SDK1: variants seen among roughly 807,000 people sequenced by gnomAD.
SDK1 encodes sidekick cell adhesion molecule 1.
Under a neutral mutation model 245.5 loss-of-function variants are expected in SDK1, and 157 were observed. The observed-to-expected ratio is 0.64, with a 90% CI of 0.56 to 0.73. The LOEUF (loss-of-function observed/expected upper bound fraction) is 0.73, where lower values mean the gene tolerates loss of function less well. Ranked by LOEUF, SDK1 falls within the 30% of genes least tolerant of loss-of-function variation. The pLI is 0.00. For synonymous variants in SDK1, 1,647 were observed against 1,278.5 expected, an observed-to-expected ratio of 1.29 and a Z score of -6.15; for missense variants, 3,583 against 3,002.3, an observed-to-expected ratio of 1.19 and a Z score of -4.52.
chr7:3,445,834 T>A (rs572362996), intron 1 of SDK1, among the ~76,000 whole-genome samples: 1 of 152,256 alleles, frequency 6.6e-6, no homozygotes, highest in East Asian at 1.9e-4. Context: ...TTACCCATAT[T>A]TTTGCTTATG....
chr7:3,991,899 T>C lies in SDK1; in HGVS notation c.2131+4577T>C, dbSNP rs73673214. Among the ~76,000 whole-genome samples, 816 of 152,332 alleles carry C rather than the reference T, an allele frequency of 5.4e-3. 7 individuals are homozygous for C. Among genetic ancestry groups the C allele is most frequent in the African/African-American group, 0.019 (770 of 41,580 alleles). On this transcript the variant is annotated intron_variant, in intron 14 of 44. Transcript: ENST00000404826. ...GGTTTTTATTTTTATTAGCAACAAA[T>C]GCCCTTAAGAAGCAGCTGAACATGC... is the stretch of plus-strand genomic sequence containing the variant.
chr7:3,485,498 G>A (rs1781657354), intron 1 of SDK1, among the ~76,000 whole-genome samples: 1 of 152,012 alleles, frequency 6.6e-6, no homozygotes, highest in Admixed American at 6.6e-5. Context: ...TGCTGCCTGG[G>A]GATGAGGTAC....
intron 4 of SDK1, among the ~76,000 whole-genome samples, chr7:3,655,485 A>ATATATATATATATATGTATGTATG (rs1783147869): frequency 2.9e-5 from 2 of 67,810 alleles, no homozygotes; most frequent in African/African-American, 9.5e-5. Flanking sequence ...ATATATATAT[A>ATATATATATATATATGTATGTATG]TATATATATA....
intron 3 of SDK1, among the ~76,000 whole-genome samples, chr7:3,641,309 C>G (rs1171920142): frequency 6.6e-6 from 1 of 152,088 alleles, no homozygotes; most frequent in East Asian, 1.9e-4. Context: ...TAAAATTAGC[C>G]TTTTATACCT....
intron 2 of SDK1, 97 bp downstream of exon 2, chr7:3,619,336 G>A: frequency 1.9e-6 from 2 of 1,026,008 alleles, no homozygotes; most frequent in Non-Finnish European, 2.9e-6. Context: ...GAAAATATTG[G>A]ATTGAATTTC....
At chr7:3,849,578 A>G (rs540239997) in intron 5 of SDK1, among the ~76,000 whole-genome samples, 3 of 152,358 alleles carry the variant, frequency 2.0e-5, no homozygotes, top group African/African-American at 7.2e-5. Context: ...GAATATTACA[A>G]GGAAATACCA....
intron 1 of SDK1, among the ~76,000 whole-genome samples, chr7:3,451,381 C>A (rs149990932): frequency 6.6e-6 from 1 of 151,846 alleles, no homozygotes; most frequent in African/African-American, 2.4e-5. Context: ...GGGAAGAATG[C>A]GAATAGCTGC....
chr7:3,792,586 A>C (rs1387372515), intron 4 of SDK1, among the ~76,000 whole-genome samples: 1 of 150,912 alleles, frequency 6.6e-6, no homozygotes, highest in East Asian at 2.0e-4. Flanking sequence ...CAGGTGCCTG[A>C]ATATTGCCTT....
chr7:3,723,295 C>T (rs1376718718), intron 4 of SDK1, among the ~76,000 whole-genome samples: 2 of 152,132 alleles, frequency 1.3e-5, no homozygotes, highest in Non-Finnish European at 2.9e-5. Context: ...CGTATGATTA[C>T]CATAGAAAAC....
chr7:3,580,630 C>G (rs944199963), intron 1 of SDK1, among the ~76,000 whole-genome samples: 1 of 151,982 alleles, frequency 6.6e-6, no homozygotes, highest in Admixed American at 6.6e-5. Context: ...AAAATCAACT[C>G]AAGATGGATT....
intron 1 of SDK1, among the ~76,000 whole-genome samples, chr7:3,410,899 T>G (rs2128577390): frequency 6.6e-6 from 1 of 152,202 alleles, no homozygotes; most frequent in South Asian, 2.1e-4. Flanking sequence ...AACCATATTC[T>G]TAACTCTGCT....
At chr7:4,049,602 C>T (rs1583943555) in intron 18 of SDK1, 139 bp downstream of exon 18, 1 of 626,262 alleles carries the variant, frequency 1.6e-6, no homozygotes, top group South Asian at 1.9e-5. Context: ...GGTGAGACCA[C>T]CATTTATCCA....
At chr7:3,369,199 C>T (rs574241961) in intron 1 of SDK1, among the ~76,000 whole-genome samples, 1 of 152,006 alleles carries the variant, frequency 6.6e-6, no homozygotes. Flanking sequence ...TGTGTGCTAC[C>T]ATGCTTGGCT....
At chr7:4,230,589 G>A (rs544563643) in intron 40 of SDK1, among the ~76,000 whole-genome samples, 1 of 151,844 alleles carries the variant, frequency 6.6e-6, no homozygotes, top group Non-Finnish European at 1.5e-5. Flanking sequence ...GATAATGAAT[G>A]GATGGATGGA....
At chr7:3,722,869 C>T (rs10276392) in intron 4 of SDK1, among the ~76,000 whole-genome samples, 15,011 of 152,204 alleles carry the variant, frequency 0.099, 952 homozygotes, top group African/African-American at 0.16. Flanking sequence ...CATTCCCCCT[C>T]CTCTCTCAGG....
intron 1 of SDK1, among the ~76,000 whole-genome samples, chr7:3,584,829 T>C (rs2128633829): frequency 6.6e-6 from 1 of 152,062 alleles, no homozygotes. Context: ...GTTCACGCCG[T>C]TCTGCTGCCT....
intron 1 of SDK1, among the ~76,000 whole-genome samples, chr7:3,507,016 A>G (rs568764227): frequency 2.6e-5 from 4 of 152,004 alleles, no homozygotes; most frequent in Admixed American, 6.6e-5. Context: ...AAGTATGTCA[A>G]CTTAGTCTCT....
chr7:3,851,436 A>G (rs775096234), intron 5 of SDK1, among the ~76,000 whole-genome samples: 1 of 152,188 alleles, frequency 6.6e-6, no homozygotes, highest in Non-Finnish European at 1.5e-5. Flanking sequence ...TATTTTCATA[A>G]AGATAGAAGC....
chr7:4,158,159 C>T (rs549385886), intron 30 of SDK1, among the ~76,000 whole-genome samples: 1 of 152,286 alleles, frequency 6.6e-6, no homozygotes, highest in Admixed American at 6.5e-5. Flanking sequence ...CACTCCCTGC[C>T]CTCTGTGCAG....
Sources: gnomAD v4.1 joint callset for allele counts (sites outside exome capture counted in the v4.1 genomes callset) on GRCh38, gnomAD v4.1.1 for gene constraint, MANE v1.5 for transcripts, NCBI Gene and HGNC (gene_info 2026-07-23, HGNC 2026-07-21) for gene names.